The following GABRB1 variants were observed in gnomAD, a reference collection of about 807,000 sequenced individuals.
The protein encoded by GABRB1 is gamma-aminobutyric acid receptor subunit beta-1.
Under a neutral mutation model 51.6 loss-of-function variants are expected in GABRB1, and 17 were observed. That is an observed-to-expected ratio of 0.33 (90% confidence interval 0.23 to 0.49). The LOEUF is 0.49. Ranked by LOEUF, GABRB1 falls within the 20% of genes least tolerant of loss-of-function variation. The pLI is 0.99. For synonymous variants in GABRB1, 247 were observed against 218.9 expected, an observed-to-expected ratio of 1.13 and a Z score of -1.14; for missense variants, 410 against 600.6, an observed-to-expected ratio of 0.68 and a Z score of 3.32.
At chr4:47,355,934 G>A (rs979075310) in intron 5 of GABRB1, among the ~76,000 whole-genome samples, 4 of 152,116 alleles carry the variant, frequency 2.6e-5, no homozygotes, top group Admixed American at 2.6e-4. Context: ...GTCTGTGTTT[G>A]CTCTATAAAA....
chr4:47,119,779 G>C (rs866065178), intron 3 of GABRB1, among the ~76,000 whole-genome samples: 8 of 152,094 alleles, frequency 5.3e-5, no homozygotes, highest in South Asian at 2.1e-4. Context: ...AAAGTGCTAG[G>C]ATTACCAGGG....
chr4:47,166,703 T>C (rs962214106), intron 4 of GABRB1, among the ~76,000 whole-genome samples: 1 of 152,082 alleles, frequency 6.6e-6, no homozygotes, highest in African/African-American at 2.4e-5. Context: ...CCCTACATTG[T>C]TCAATGGTAA....
chr4:47,361,884 G>T lies in GABRB1; in HGVS notation c.545-41434G>T, dbSNP rs114420466. Among the ~76,000 whole-genome samples the T allele has an allele frequency of 3.0e-3, 459 of 152,270 alleles. 2 individuals carry two copies. Among genetic ancestry groups the T allele is most frequent in the African/African-American group, 0.011 (438 of 41,572 alleles). ...CAACTGGGGTTGTCAAGTGGGCAGT[G>T]AGGCTATGGACCTGGATCTCAGAGG... On this transcript the variant is annotated intron_variant, in intron 5 of 8. Transcript: ENST00000295454.
chr4:47,178,460 A>G (rs79921381), intron 4 of GABRB1, among the ~76,000 whole-genome samples: 21,104 of 152,010 alleles, frequency 0.14, 1,914 homozygotes, highest in East Asian at 0.32. Context: ...GAGGAATTTC[A>G]TTCTTTTGTA....
chr4:47,064,464 G>A (rs1028535438), intron 3 of GABRB1, among the ~76,000 whole-genome samples: 8 of 151,710 alleles, frequency 5.3e-5, no homozygotes, highest in South Asian at 4.2e-4. Flanking sequence ...GTGAAACTCC[G>A]TCTCTACTAC....
intron 1 of GABRB1, among the ~76,000 whole-genome samples, chr4:47,015,726 C>T (rs1470760007): frequency 2.6e-5 from 4 of 152,168 alleles, no homozygotes; most frequent in Admixed American, 1.3e-4. Context: ...CAAGCATGAG[C>T]CTGTTTTACA....
chr4:47,158,092 A>G (rs919201667), intron 3 of GABRB1, among the ~76,000 whole-genome samples: 9 of 152,118 alleles, frequency 5.9e-5, no homozygotes, highest in African/African-American at 2.2e-4. Flanking sequence ...GGAAACAAAA[A>G]TAGTTTCCAA....
intron 1 of GABRB1, among the ~76,000 whole-genome samples, chr4:47,005,279 A>G (rs992609225): frequency 2.6e-5 from 4 of 152,120 alleles, no homozygotes; most frequent in East Asian, 1.9e-4. Context: ...TTAGCCAGGC[A>G]TGGTGGCGGG....
intron 4 of GABRB1, among the ~76,000 whole-genome samples, chr4:47,222,640 T>C (rs1478079413): frequency 6.6e-6 from 1 of 152,116 alleles, no homozygotes; most frequent in Non-Finnish European, 1.5e-5. Flanking sequence ...ACAAGTTGAC[T>C]GCATCCACAT....
At chr4:47,287,960 G>A (rs879907408) in intron 4 of GABRB1, among the ~76,000 whole-genome samples, 1 of 152,198 alleles carries the variant, frequency 6.6e-6, no homozygotes, top group Non-Finnish European at 1.5e-5. Context: ...TTTCAGATAT[G>A]ACCACAGTCC....
chr4:47,208,325 A>G (rs932076558), intron 4 of GABRB1, among the ~76,000 whole-genome samples: 1 of 152,106 alleles, frequency 6.6e-6, no homozygotes, highest in African/African-American at 2.4e-5. Context: ...AGGTTACCAG[A>G]GGCTGAAGAG....
intron 3 of GABRB1, among the ~76,000 whole-genome samples, chr4:47,079,396 G>A (rs576833984): frequency 2.0e-5 from 3 of 152,208 alleles, no homozygotes; most frequent in South Asian, 4.1e-4. Flanking sequence ...TAGTTTATTT[G>A]CATAGAGGTG....
chr4:47,019,516 A>G (rs1371658625), intron 1 of GABRB1, among the ~76,000 whole-genome samples: 1 of 151,476 alleles, frequency 6.6e-6, no homozygotes, highest in African/African-American at 2.4e-5. Flanking sequence ...CTGGAGGCTG[A>G]AAGTCCAAGA....
At chr4:47,267,059 GC>G (rs1326357626) in intron 4 of GABRB1, among the ~76,000 whole-genome samples, 3 of 152,052 alleles carry the variant, frequency 2.0e-5, no homozygotes, top group African/African-American at 7.2e-5. Context: ...TACCTGTCCT[GC>G]TTTTTAAATG....
chr4:47,393,901 G>A (rs1728092282), intron 5 of GABRB1, among the ~76,000 whole-genome samples: 1 of 152,308 alleles, frequency 6.6e-6, no homozygotes, highest in African/African-American at 2.4e-5. Flanking sequence ...ACTACAAGTA[G>A]GTGTATTGCA....
In GABRB1 at chr4:47,296,611, A is replaced by G. The variant is rs566357771; in HGVS notation, c.462-23516A>G. On this transcript the variant is annotated intron_variant, in intron 4 of 8. Coordinates refer to ENST00000295454, the MANE Select transcript of GABRB1 (RefSeq NM_000812.4). ...CAGGAGCACCCAGATTCATAAAGCA[A>G]GTCCTTAGAGATGTACAAAGAGACT... Among the ~76,000 whole-genome samples, 13 of 152,350 alleles carry G rather than the reference A, an allele frequency of 8.5e-5. No homozygotes were observed. The South Asian group carries it at 2.7e-3, about 32-fold the overall frequency.
At chr4:47,028,872 C>CAT (rs148076348), upstream of GABRB1, among the ~76,000 whole-genome samples, 488 of 138,328 alleles carry the variant, frequency 3.5e-3, 1 homozygote, top group Middle Eastern at 0.016. Context: ...GTATATATAC[C>CAT]ATATATATAT....
chr4:47,125,383 A>C (rs1716071333), intron 3 of GABRB1, among the ~76,000 whole-genome samples: 1 of 152,004 alleles, frequency 6.6e-6, no homozygotes, highest in African/African-American at 2.4e-5. Flanking sequence ...ACATGAAAAC[A>C]TACGAAAATA....
chr4:47,043,306 G>T (rs901368298), intron 3 of GABRB1: 2 of 151,992 alleles, frequency 1.3e-5, no homozygotes, highest in African/African-American at 4.8e-5. Context: ...CTGGAAAAAT[G>T]GATTCAGTCC....
Sources: gnomAD v4.1 joint callset for allele counts (sites outside exome capture counted in the v4.1 genomes callset) on GRCh38, gnomAD v4.1.1 for gene constraint, MANE v1.5 for transcripts, NCBI Gene and HGNC (gene_info 2026-07-23, HGNC 2026-07-21) for gene names.